UPRT: variants seen among roughly 807,000 people sequenced by gnomAD.
UPRT encodes uracil phosphoribosyltransferase homolog.
In UPRT, 5 loss-of-function variants were observed where a neutral mutation model predicts 22.6. That is an observed-to-expected ratio of 0.22 (90% confidence interval 0.12 to 0.47). UPRT has a LOEUF of 0.47. Ranked by LOEUF, UPRT falls within the 20% of genes least tolerant of loss-of-function variation. The pLI, the probability that UPRT is intolerant of heterozygous loss-of-function variation, is 0.99. For synonymous variants in UPRT, 77 were observed against 87.7 expected (o/e 0.88, Z 0.68); for missense variants, 181 against 239.9 (o/e 0.75, Z 1.62).
intron 4 of UPRT, among the ~76,000 whole-genome samples, chrX:75,222,469 G>A (rs943733061): frequency 6.2e-5 from 7 of 112,036 alleles, no homozygotes; most frequent in Non-Finnish European, 1.3e-4. Context: ...ATGCCATCCA[G>A]GAGCTAGGAC....
At position 75,238,433 on chromosome X, in the gene UPRT, C is replaced by G. The variant is rs757296120; in HGVS notation, c.-446-52591C>G. On this transcript the variant is annotated intron_variant, in intron 4 of 13. Coordinates refer to the UPRT transcript ENST00000652605. ...GAATTAGACCAACAGGAAAATATCACAATCATAAATACATATGCACCTAAC... is the reference window on the plus strand; with the variant it reads ...GAATTAGACCAACAGGAAAATATCAGAATCATAAATACATATGCACCTAAC... 5.2e-4 allele frequency among the ~76,000 whole-genome samples: 58 copies of G among 111,628 alleles called. 1 individual carries two copies. Among genetic ancestry groups the G allele is most frequent in the Admixed American group, 3.4e-3 (35 of 10,432 alleles).
chrX:75,170,026 G>A lies in UPRT; in HGVS notation c.-447+2147G>A, dbSNP rs766835249. Among the ~76,000 whole-genome samples the A allele has an allele frequency of 1.4e-4, 13 of 93,458 alleles. No individual in the cohort carries two copies. In the South Asian group the frequency reaches 4.2e-3, roughly 30 times the overall value. 81.2% of individuals were successfully genotyped at this position (93,458 alleles called of 115,157 possible). On this transcript the variant is annotated intron_variant, in intron 4 of 13. Coordinates refer to the UPRT transcript ENST00000652605. Reference sequence around the variant, plus strand: ...AGGCCTTTTATCATTATATAATGTCGCTCTGTGTCTTTTTTTTTTTTTTTT... The same window carrying A: ...AGGCCTTTTATCATTATATAATGTCACTCTGTGTCTTTTTTTTTTTTTTTT...
At chrX:75,168,828 TGTGA>T (rs965631816) in intron 4 of UPRT, among the ~76,000 whole-genome samples, 2 of 111,608 alleles carry the variant, frequency 1.8e-5, no homozygotes, top group Non-Finnish European at 3.8e-5. Context: ...TGTGCCTGGC[TGTGA>T]GTAAGTTCTT....
chrX:75,267,253 A>G (rs1834803539), intron 4 of UPRT, among the ~76,000 whole-genome samples: 1 of 112,112 alleles, frequency 8.9e-6, no homozygotes, highest in African/African-American at 3.2e-5. Flanking sequence ...GCCATAAAAA[A>G]GGATGAGCTC....
chrX:75,271,055 C>A (rs892676451), upstream of UPRT, among the ~76,000 whole-genome samples: 1 of 111,395 alleles, frequency 9.0e-6, no homozygotes, highest in Non-Finnish European at 1.9e-5. Flanking sequence ...ATGTCATGGA[C>A]GAGTAGAATC....
At chrX:75,162,028 A>G (rs986055020) in intron 2 of UPRT, among the ~76,000 whole-genome samples, 1 of 110,917 alleles carries the variant, frequency 9.0e-6, no homozygotes, top group Non-Finnish European at 1.9e-5. Context: ...AACACTATGC[A>G]TTGGGTCCAT....
chrX:75,195,716 G>GTTCAGGGTTCCCAGCTTCCTCCCCT (rs2082330925), intron 4 of UPRT, among the ~76,000 whole-genome samples: 3 of 111,540 alleles, frequency 2.7e-5, no homozygotes, highest in Non-Finnish European at 5.7e-5. Flanking sequence ...CAGTAACCCC[G>GTTCAGGGTTCCCAGCTTCCTCCCCT]TTCAGGGTTC....
chrX:75,272,360 GTATATATATATA>G (rs202123958), upstream of UPRT, among the ~76,000 whole-genome samples: 134 of 81,320 alleles, frequency 1.6e-3, 1 homozygote, highest in Non-Finnish European at 2.0e-3. Flanking sequence ...ATATATATGT[GTATATATATATA>G]TGTATATATA....
chrX:75,200,313 G>A (rs1031741443), intron 4 of UPRT, among the ~76,000 whole-genome samples: 1 of 112,069 alleles, frequency 8.9e-6, no homozygotes, highest in African/African-American at 3.2e-5. Flanking sequence ...TTCTTTTTTG[G>A]CTGGGCATGG....
intron 4 of UPRT, among the ~76,000 whole-genome samples, chrX:75,194,591 C>T (rs2082327290): frequency 9.0e-6 from 1 of 111,071 alleles, no homozygotes; most frequent in Non-Finnish European, 1.9e-5. Context: ...ACTGGAGTCT[C>T]TATGCACATT....
intron 4 of UPRT, among the ~76,000 whole-genome samples, chrX:75,233,167 A>C (rs1447108764): frequency 9.0e-6 from 1 of 111,627 alleles, no homozygotes; most frequent in Non-Finnish European, 1.9e-5. Context: ...GATGCGATCA[A>C]CTGGAAGAAA....
chrX:75,195,477 C>G (rs757688242), intron 4 of UPRT, among the ~76,000 whole-genome samples: 15 of 111,917 alleles, frequency 1.3e-4, no homozygotes, highest in South Asian at 7.5e-4. Context: ...CCTGGCAGTG[C>G]TCCTCATAGA....
chrX:75,247,897 G>C (rs1369400935), intron 4 of UPRT, among the ~76,000 whole-genome samples: 1 of 111,836 alleles, frequency 8.9e-6, no homozygotes, highest in East Asian at 2.8e-4. Flanking sequence ...CGATCAGGCA[G>C]CAGCATTTGT....
chrX:75,272,331 T>C (rs1210331225), upstream of UPRT, among the ~76,000 whole-genome samples: 2 of 90,876 alleles, frequency 2.2e-5, no homozygotes, highest in South Asian at 5.2e-4. Context: ...CATATATATG[T>C]ATATATATAT....
chrX:75,221,482 T>C (rs2082410499), intron 4 of UPRT, among the ~76,000 whole-genome samples: 1 of 111,484 alleles, frequency 9.0e-6, no homozygotes, highest in Admixed American at 9.6e-5. Flanking sequence ...GGCTATTTTC[T>C]AGATCTCATA....
chrX:75,250,139 C>A, intron 4 of UPRT, among the ~76,000 whole-genome samples: 1 of 111,177 alleles, frequency 9.0e-6, no homozygotes, highest in African/African-American at 3.3e-5. Flanking sequence ...CCTAACATCA[C>A]AATTAAGAGA....
intron 3 of UPRT, among the ~76,000 whole-genome samples, chrX:75,163,905 C>T (rs2082206653): frequency 9.0e-6 from 1 of 111,266 alleles, no homozygotes; most frequent in African/African-American, 3.3e-5. Flanking sequence ...GGGCTGGGTG[C>T]AGTGGTTCAA....
intron 4 of UPRT, among the ~76,000 whole-genome samples, chrX:75,201,322 C>A (rs1004559442): frequency 8.0e-5 from 9 of 112,565 alleles, no homozygotes; most frequent in African/African-American, 2.9e-4. Context: ...TTTATGGCAC[C>A]TGTTTCAAAA....
intron 4 of UPRT, among the ~76,000 whole-genome samples, chrX:75,265,665 C>A (rs888800184): frequency 9.8e-5 from 11 of 111,997 alleles, no homozygotes; most frequent in Admixed American, 6.7e-4. Context: ...CATCTGAAGC[C>A]TTCTTCTCTA....
Sources: allele counts gnomAD v4.1 joint callset (sites outside exome capture counted in the v4.1 genomes callset), GRCh38; gene constraint gnomAD v4.1.1; transcripts MANE v1.5; gene names NCBI Gene and HGNC (gene_info 2026-07-23, HGNC 2026-07-21).